SYT1: variants seen among roughly 807,000 people sequenced by gnomAD.
SYT1 encodes the protein synaptotagmin 1.
SYT1 carries 8 observed loss-of-function variants against 44.8 expected under a neutral mutation model. The observed-to-expected ratio is 0.18, with a 90% CI of 0.10 to 0.32. SYT1 has a LOEUF of 0.32. SYT1 is among the 10% of genes least tolerant of loss of function. SYT1 has a pLI of 1.00. For synonymous variants in SYT1, 154 were observed against 188.8 expected, an observed-to-expected ratio of 0.82 and a Z score of 1.51; for missense variants, 286 against 509.3, an observed-to-expected ratio of 0.56 and a Z score of 4.22.
chr12:79,145,079 A>C (rs1401105437), intron 3 of SYT1, among the ~76,000 whole-genome samples: 1 of 152,210 alleles, frequency 6.6e-6, no homozygotes, highest in Non-Finnish European at 1.5e-5. Context: ...ATAATATTGG[A>C]ATATTAATGA....
intron 9 of SYT1, among the ~76,000 whole-genome samples, chr12:79,358,626 A>G (rs539557191): frequency 1.3e-5 from 2 of 152,314 alleles, no homozygotes; most frequent in South Asian, 4.1e-4. Context: ...TGAGGGTAGG[A>G]CTGAAGTTCA....
chr12:78,961,433 ACC>A (rs1879498435), intron 1 of SYT1, among the ~76,000 whole-genome samples: 1 of 151,808 alleles, frequency 6.6e-6, no homozygotes. Context: ...AATAGTTCTT[ACC>A]CTCTTAAATT....
chr12:78,999,409 G>A (rs908712729), intron 2 of SYT1, among the ~76,000 whole-genome samples: 1 of 152,168 alleles, frequency 6.6e-6, no homozygotes, highest in Non-Finnish European at 1.5e-5. Flanking sequence ...TTGTCTAAAA[G>A]TGGGAGACTA....
intron 3 of SYT1, among the ~76,000 whole-genome samples, chr12:79,055,657 T>G (rs912934314): frequency 6.6e-6 from 1 of 151,986 alleles, no homozygotes; most frequent in Non-Finnish European, 1.5e-5. Flanking sequence ...CAATGTCCTC[T>G]TCTATAAAAA....
chr12:78,955,800 T>TTGTGTGTGTG (rs60111282), intron 1 of SYT1, among the ~76,000 whole-genome samples: 2,457 of 138,662 alleles, frequency 0.018, 57 homozygotes, highest in African/African-American at 0.043. Flanking sequence ...GCCAAGATAT[T>TTGTGTGTGTG]TGTGTGTGTG....
At chr12:79,152,140 C>T (rs1182864955) in intron 3 of SYT1, among the ~76,000 whole-genome samples, 7 of 152,024 alleles carry the variant, frequency 4.6e-5, no homozygotes, top group Admixed American at 3.9e-4. Flanking sequence ...TTAAAATAAA[C>T]TTAGGAAATT....
chr12:79,120,979 A>G (rs994060800), intron 3 of SYT1, among the ~76,000 whole-genome samples: 4 of 148,336 alleles, frequency 2.7e-5, no homozygotes, highest in East Asian at 1.9e-4. Flanking sequence ...ACACATTTGT[A>G]TATATATATA....
At chr12:79,240,927 C>T (rs887196990) in intron 4 of SYT1, among the ~76,000 whole-genome samples, 3 of 152,164 alleles carry the variant, frequency 2.0e-5, no homozygotes, top group African/African-American at 7.2e-5. Context: ...AATCCCAACA[C>T]TTTAGGAGGC....
At chr12:78,941,625 C>G (rs1878381435) in intron 1 of SYT1, among the ~76,000 whole-genome samples, 1 of 152,132 alleles carries the variant, frequency 6.6e-6, no homozygotes, top group Non-Finnish European at 1.5e-5. Flanking sequence ...GACTACTGGT[C>G]AAAATGAAAG....
At chr12:79,013,380 T>C (rs1330888840) in intron 2 of SYT1, among the ~76,000 whole-genome samples, 1 of 152,166 alleles carries the variant, frequency 6.6e-6, no homozygotes, top group Admixed American at 6.5e-5. Flanking sequence ...AAATAATTGT[T>C]CAATATTTGC....
chr12:79,256,333 C>T (rs1401043093), intron 4 of SYT1, among the ~76,000 whole-genome samples: 3 of 152,186 alleles, frequency 2.0e-5, no homozygotes, highest in African/African-American at 7.2e-5. Context: ...ATGTTGAAAA[C>T]AGGAGCCCAA....
intron 1 of SYT1, among the ~76,000 whole-genome samples, chr12:78,969,105 A>G (rs1361363744): frequency 6.6e-6 from 1 of 152,210 alleles, no homozygotes; most frequent in Non-Finnish European, 1.5e-5. Flanking sequence ...TTCATGTTCT[A>G]TTTCCTGAAC....
intron 1 of SYT1, among the ~76,000 whole-genome samples, chr12:78,954,223 A>G (rs576683175): frequency 6.6e-6 from 1 of 152,160 alleles, no homozygotes; most frequent in African/African-American, 2.4e-5. Flanking sequence ...TCTTTTTGGT[A>G]TAGTTTTGTG....
chr12:79,125,400 C>T (rs1868374022), intron 3 of SYT1, among the ~76,000 whole-genome samples: 1 of 147,612 alleles, frequency 6.8e-6, no homozygotes, highest in Non-Finnish European at 1.5e-5. Context: ...CACTTTAACC[C>T]AGGAGTTCAA....
intron 9 of SYT1, among the ~76,000 whole-genome samples, chr12:79,396,748 A>G (rs1168635517): frequency 6.6e-6 from 1 of 152,212 alleles, no homozygotes; most frequent in African/African-American, 2.4e-5. Flanking sequence ...ATATTTATTG[A>G]GCATTTATTT....
At chr12:79,028,181 T>C (rs779420802) in intron 2 of SYT1, among the ~76,000 whole-genome samples, 18 of 151,504 alleles carry the variant, frequency 1.2e-4, no homozygotes, top group African/African-American at 4.1e-4. Context: ...ACATACTGTG[T>C]ACTGAAAGCC....
intron 1 of SYT1, among the ~76,000 whole-genome samples, chr12:78,876,924 A>AT (rs1874201142): frequency 9.0e-6 from 1 of 110,804 alleles, no homozygotes; most frequent in East Asian, 2.3e-4. Context: ...TATATATAAT[A>AT]TATATTATAT....
At chr12:79,068,267 A>G (rs565758154) in intron 3 of SYT1, among the ~76,000 whole-genome samples, 2 of 152,284 alleles carry the variant, frequency 1.3e-5, no homozygotes, top group East Asian at 1.9e-4. Flanking sequence ...GGAGATTCCA[A>G]TTAGTAAATT....
At chr12:79,332,941 T>C (rs917481205) in intron 8 of SYT1, among the ~76,000 whole-genome samples, 4 of 152,216 alleles carry the variant, frequency 2.6e-5, no homozygotes, top group African/African-American at 7.2e-5. Flanking sequence ...AGTGACATTA[T>C]GAAACTATCC....
Sources: gnomAD v4.1 joint callset for allele counts (sites outside exome capture counted in the v4.1 genomes callset) on GRCh38, gnomAD v4.1.1 for gene constraint, MANE v1.5 for transcripts, NCBI Gene and HGNC (gene_info 2026-07-23, HGNC 2026-07-21) for gene names.